Variants in SIGIRR observed in about 807,000 individuals in gnomAD.
SIGIRR encodes single Ig and TIR domain containing.
In SIGIRR, 41 loss-of-function variants were observed where a neutral mutation model predicts 45.6. That is an observed-to-expected ratio of 0.90 (90% CI 0.70 to 1.17). SIGIRR has a LOEUF of 1.17. SIGIRR is among the 50% of genes most tolerant of loss of function. SIGIRR has a pLI of 0.00. For synonymous variants in SIGIRR, 298 were observed against 239.0 expected, an observed-to-expected ratio of 1.25 and a Z score of -2.28; for missense variants, 599 against 539.6, an observed-to-expected ratio of 1.11 and a Z score of -1.09.
chr11:415,667 C>T (rs1179982863), upstream of SIGIRR, among the ~76,000 whole-genome samples: 1 of 152,222 alleles, frequency 6.6e-6, no homozygotes, highest in Non-Finnish European at 1.5e-5. The surrounding 1 kb of genome is among the most constrained non-coding windows in gnomAD (Gnocchi z 6.6). Flanking sequence ...TGTGGACCTT[C>T]CCTTCAGGCT....
intron 1 of SIGIRR, 26 bp from the exon 2 acceptor site, chr11:410,053 T>G: frequency 8.1e-7 from 1 of 1,237,930 alleles, no homozygotes; most frequent in Non-Finnish European, 1.0e-6. Context: ...GGGAACAAGT[T>G]AAACAGGAAC....
chr11:407,222 A>T, intron 6 of SIGIRR, 58 bp from the exon 7 acceptor site: 1 of 490,242 alleles, frequency 2.0e-6, no homozygotes, highest in Non-Finnish European at 2.9e-6. Context: ...GCGGGGCCGG[A>T]GGCTCAGGGG....
chr11:407,469 C>T lies in SIGIRR; in HGVS notation c.581G>A (p.Gly194Asp). ...GCGGTCGTCCAGGAAGAGCTTGTAG[C>T]CCCGACGCCGCTCCAGCTGCGGCTT... ...ILKPQLERRR[G>D]YKLFLDDRDL... Residue 194 changes from glycine (G) to aspartate (D), a missense_variant, in exon 6 of 10, where the codon GGC becomes GAC. Transcript: ENST00000431843. 6.4e-7 allele frequency: 1 copy of T among 1,569,638 alleles called. No individual in the cohort carries two copies. Among genetic ancestry groups the T allele is most frequent in the East Asian group, 2.4e-5 (1 of 41,796 alleles).
At chr11:406,262 C>T (rs1212992061) in intron 9 of SIGIRR, 87 bp downstream of exon 9, 3 of 1,552,254 alleles carry the variant, frequency 1.9e-6, no homozygotes, top group South Asian at 2.3e-5. Flanking sequence ...ACACCTGGAG[C>T]CCCTCCAGGC....
intron 1 of SIGIRR, among the ~76,000 whole-genome samples, chr11:411,570 A>G (rs546171162): frequency 2.4e-4 from 20 of 83,162 alleles, no homozygotes; most frequent in African/African-American, 8.7e-4. Flanking sequence ...GGGGGTGCCC[A>G]GCTCTGACCA....
At position 408,053 on chromosome 11, in the gene SIGIRR, C is replaced by A; in HGVS notation, c.340+20G>T. ...GGTCTAGGTCCCCTTCTACCCTCCA[C>A]CTTGGGGAACCCCCATCACCAGCTC... On this transcript the variant is annotated intron_variant, in intron 4 of 9. Coordinates refer to ENST00000431843, the MANE Select transcript of SIGIRR (RefSeq NM_001135054.2). The A allele has an allele frequency of 3.7e-6, 6 of 1,612,410 alleles. No homozygotes were observed. The highest frequency in any genetic ancestry group is 4.2e-6 in the Non-Finnish European group (5 of 1,179,758).
chr11:407,116 A>ACTCTCC lies in SIGIRR; in HGVS notation c.673_674insGGAGAG (p.Ile225delinsArgArgVal). The ACTCTCC allele has an allele frequency of 6.6e-7, 1 of 1,526,572 alleles. No homozygotes were observed. Among genetic ancestry groups the ACTCTCC allele is most frequent in the Non-Finnish European group, 8.8e-7 (1 of 1,141,848 alleles). The allele number at this position is 1,526,572 out of a possible 1,614,324, so 94.6% of individuals were successfully genotyped here. On this transcript the variant is annotated protein_altering_variant, in exon 7 of 10. Transcript: ENST00000431843. Reference sequence around the variant, plus strand: ...CAGGAAGGCGTCCGAAAGCACCACGATGAGGCGTCGGCAGCGGCTCAGGTT... The same window carrying ACTCTCC: ...CAGGAAGGCGTCCGAAAGCACCACGACTCTCCTGAGGCGTCGGCAGCGGCTCAGGTT...
In SIGIRR at chr11:405,779, A is replaced by AGGGCTGCTGGCAGGGTCCCG; in HGVS notation, c.*116_*117insCGGGACCCTGCCAGCAGCCC. 7.6e-7 allele frequency: 1 copy of AGGGCTGCTGGCAGGGTCCCG among 1,320,190 alleles called. No homozygotes were observed. The highest frequency in any genetic ancestry group is 1.0e-6 in the Non-Finnish European group (1 of 977,492). 81.8% of individuals were successfully genotyped at this position (1,320,190 alleles called of 1,614,324 possible). A position where few individuals can be genotyped will look rare whatever the true frequency, so the allele number is the denominator to read the frequency against. ...CGCCCTGAGGCCACAGCCTTTTCCC[A>AGGGCTGCTGGCAGGGTCCCG]GGGCTGCTGGCAGGGTCCCAGGGCT... is the stretch of plus-strand genomic sequence containing the variant. On this transcript the variant is annotated 3_prime_UTR_variant, in exon 10 of 10. Transcript: ENST00000431843.
In SIGIRR at chr11:406,914, G is replaced by A. The variant is rs894265316; in HGVS notation, c.808C>T (p.His270Tyr). ...TFEGQRRDPA[H>Y]PALRLLRQHR... ...TGGCGCAGCAGGCGGAGCGCCGGGT[G>A]CGCGGGGTCGCGCCTCTGGCCCTCG... The change falls in exon 8 of 10, where the codon CAC becomes TAC. Residue 270 changes from histidine to tyrosine, a missense_variant. His to Tyr is a moderately conservative substitution (Grantham distance 83). Coordinates refer to ENST00000431843, the MANE Select transcript of SIGIRR (RefSeq NM_001135054.2). The A allele has an allele frequency of 1.3e-6, 2 of 1,593,832 alleles. No individual in the cohort carries two copies. Among genetic ancestry groups the A allele is most frequent in the African/African-American group, 1.3e-5 (1 of 74,722 alleles).
In SIGIRR at chr11:407,075, TGCACCAGGCCCG is replaced by T; in HGVS notation, c.703_714del (p.Arg235_Cys238del). ...CGCGGGACCCACCGGAAGCTGTGGC[TGCACCAGGCCCG>T]GCTCAGGAAGGCGTCCGAAAGCACC... On this transcript the variant is annotated inframe_deletion, in exon 7 of 10. Coordinates refer to ENST00000431843, the MANE Select transcript of SIGIRR (RefSeq NM_001135054.2). 6.3e-7 allele frequency: 1 copy of T among 1,578,618 alleles called. No individual in the cohort carries two copies. Among genetic ancestry groups the T allele is most frequent in the Non-Finnish European group, 8.6e-7 (1 of 1,168,430 alleles).
Position 406,505 on chromosome 11 carries a change from G to C in SIGIRR, c.913C>G (p.Leu305Val), listed in dbSNP as rs747625736. The C allele has an allele frequency of 5.6e-6, 9 of 1,610,462 alleles. No individual in the cohort carries two copies. Among genetic ancestry groups the C allele is most frequent in the Non-Finnish European group, 6.8e-6 (8 of 1,178,144 alleles). ...TACTGCACCTTCCGCGGCAGCGCCA[G>C]CTGCACTTCTTTCCAAAAATCGGAG... ...PSSDFWKEVQ[L>V]ALPRKVQYRP... The change falls in exon 9 of 10, where the codon CTG becomes GTG. Residue 305 changes from leucine to valine, a missense_variant. By Grantham distance (32) the Leu-to-Val change is conservative. Coordinates refer to ENST00000431843, the MANE Select transcript of SIGIRR (RefSeq NM_001135054.2).
chr11:406,982 C>T lies in SIGIRR; in HGVS notation c.740G>A (p.Cys247Tyr), dbSNP rs1213582832. Residue 247 changes from cysteine (C) to tyrosine (Y), a missense_variant, in exon 8 of 10, where the codon TGC (cysteine) becomes TAC (tyrosine). Physicochemically the swap from Cys to Tyr is radical, Grantham distance 194. Transcript: ENST00000431843. ...TCTGCGGGTGAGCTCCAGCAGCCGG[C>T]ACAGGCCCTCCCTGCGGGGCGGGAC... ...WCSHSFREGL[C>Y]RLLELTRRPI... The T allele has an allele frequency of 1.9e-6, 3 of 1,600,040 alleles. No individual in the cohort carries two copies. The highest frequency in any genetic ancestry group is 2.5e-6 in the Non-Finnish European group (3 of 1,176,806).
At chr11:409,846 C>A in intron 2 of SIGIRR, 22 bp downstream of exon 2, 1 of 1,360,446 alleles carries the variant, frequency 7.4e-7, no homozygotes, top group East Asian at 3.0e-5. Context: ...AATTCAAGCC[C>A]ATCCCTCTCT....
In SIGIRR at chr11:410,287, C is replaced by T. The variant is rs541567077; in HGVS notation, c.-153-260G>A. On this transcript the variant is annotated intron_variant, in intron 1 of 9. Transcript: ENST00000431843. ...TCCACCGGCCCTGGGGCCACCATGA[C>T]GGCCCCAGGGTGCAGTGGACGAACA... 6.6e-5 allele frequency among the ~76,000 whole-genome samples: 10 copies of T among 152,256 alleles called. No homozygotes were observed. The South Asian group carries it at 1.0e-3, about 16-fold the overall frequency.
At chr11:406,782 C>G in intron 8 of SIGIRR, 61 bp downstream of exon 8, 1 of 1,453,076 alleles carries the variant, frequency 6.9e-7, no homozygotes. Context: ...AGCCTGGAGC[C>G]CGGGCACCGC....
intron 5 of SIGIRR, 25 bp from the exon 6 acceptor site, chr11:407,593 G>T: frequency 6.2e-7 from 1 of 1,601,002 alleles, no homozygotes; most frequent in Non-Finnish European, 8.5e-7. Flanking sequence ...CAGTCACCCC[G>T]ATGGCTCCCG....
In SIGIRR at chr11:406,918, G is replaced by C; in HGVS notation, c.804C>G (p.Pro268=). The change falls in exon 8 of 10, where the codon CCC becomes CCG. Residue 268 remains proline, a synonymous_variant. Transcript: ENST00000431843. ...GCAGCAGGCGGAGCGCCGGGTGCGC[G>C]GGGTCGCGCCTCTGGCCCTCGAAGG... The part of the protein sequence containing the change: ...FITFEGQRRD[P]AHPALRLLRQ... 1 of 1,595,542 alleles carries C rather than the reference G, an allele frequency of 6.3e-7. No individual in the cohort carries two copies. Among genetic ancestry groups the C allele is most frequent in the Non-Finnish European group, 8.5e-7 (1 of 1,175,758 alleles).
chr11:407,182 T>A lies in SIGIRR; in HGVS notation c.626-18A>T. The A allele has an allele frequency of 3.7e-6, 3 of 814,666 alleles. No homozygotes were observed. The highest frequency in any genetic ancestry group is 4.9e-6 in the Non-Finnish European group (3 of 615,860). 50.5% of individuals were successfully genotyped at this position (814,666 alleles called of 1,614,324 possible). ...GGAGGGCTCTGCGGGAGGGCGGGCG[T>A]CGGCGGCGCAGGGGCGGGGGCGGGG... On this transcript the variant is annotated intron_variant, in intron 6 of 9. Transcript: ENST00000431843.
At chr11:416,004 G>A (rs1358083296), upstream of SIGIRR, among the ~76,000 whole-genome samples, 3 of 152,152 alleles carry the variant, frequency 2.0e-5, no homozygotes, top group African/African-American at 7.2e-5. This position sits in a 1 kb window ranked among gnomAD's most constrained non-coding sequence, Gnocchi z 9.1. Context: ...CTGAGTCCCA[G>A]CCCTGCTAGG....
Sources: allele counts gnomAD v4.1 joint callset (sites outside exome capture counted in the v4.1 genomes callset), GRCh38; gene constraint gnomAD v4.1.1; non-coding constraint Gnocchi (gnomAD v3.1); transcripts MANE v1.5; gene names NCBI Gene and HGNC (gene_info 2026-07-23, HGNC 2026-07-21).